NUCKS1: variants seen among roughly 807,000 people sequenced by gnomAD.
NUCKS1 encodes the protein nuclear casein kinase and cyclin dependent kinase substrate 1.
Under a neutral mutation model 33.0 loss-of-function variants are expected in NUCKS1, and 2 were observed. That is an observed-to-expected ratio of 0.06 (90% CI 0.02 to 0.19). NUCKS1 has a LOEUF of 0.19. NUCKS1 is among the 10% of genes least tolerant of loss of function. NUCKS1 has a pLI of 1.00. For missense variants in NUCKS1, 201 were observed against 293.6 expected, an observed-to-expected ratio of 0.68 and a Z score of 2.31; for synonymous variants, 106 against 102.8, an observed-to-expected ratio of 1.03 and a Z score of -0.19.
chr1:205,745,626 G>A (rs1372449722), intron 1 of NUCKS1, among the ~76,000 whole-genome samples: 1 of 152,102 alleles, frequency 6.6e-6, no homozygotes, highest in Non-Finnish European at 1.5e-5. Flanking sequence ...CACCATTGAG[G>A]AGATATTAAA....
intron 1 of NUCKS1, among the ~76,000 whole-genome samples, chr1:205,748,222 A>C (rs74772666): frequency 0.011 from 1,646 of 152,312 alleles, 20 homozygotes; most frequent in Middle Eastern, 0.024. Context: ...CCAATACCTA[A>C]ATCTGGGAAA....
intron 1 of NUCKS1, 115 bp downstream of exon 1, chr1:205,749,842 A>C: frequency 5.3e-6 from 6 of 1,126,398 alleles, no homozygotes; most frequent in Non-Finnish European, 6.4e-6. Context: ...CCCGAAAGGG[A>C]GGAGGCCGCG....
chr1:205,735,020 C>A lies in NUCKS1; in HGVS notation c.18-5399G>T, dbSNP rs1654003075. On this transcript the variant is annotated intron_variant, in intron 1 of 6. Coordinates refer to ENST00000367142, the MANE Select transcript of NUCKS1 (RefSeq NM_022731.5). ...GCTTGCTTTGTCTGGGGTTGAAATA[C>A]ATTTTTGATGAATTTGTTCCTAATG... Among the ~76,000 whole-genome samples the A allele has an allele frequency of 2.0e-5, 3 of 152,254 alleles. No individual in the cohort carries two copies. In the South Asian group the frequency reaches 6.2e-4, roughly 32 times the overall value.
rs945391480 is a variant in NUCKS1, at chr1:205,713,618, A to G, written c.*4662T>C. 3 of 152,330 alleles carry G rather than the reference A, an allele frequency of 2.0e-5. No homozygotes were observed. The highest frequency in any genetic ancestry group is 1.3e-4 in the Admixed American group (2 of 15,300). 9.4% of individuals were successfully genotyped at this position (152,330 alleles called of 1,614,324 possible). A position where few individuals can be genotyped will look rare whatever the true frequency, so the allele number is the denominator to read the frequency against. ...ATCATGTTCACTTCAACCCCATTTC[A>G]TTTAAATTAAAGAAAAAAACCTTTT... On this transcript the variant is annotated 3_prime_UTR_variant, in exon 7 of 7. Coordinates refer to ENST00000367142, the MANE Select transcript of NUCKS1 (RefSeq NM_022731.5).
intron 1 of NUCKS1, among the ~76,000 whole-genome samples, chr1:205,730,046 AAAG>A (rs1350159410): frequency 1.3e-5 from 2 of 152,036 alleles, no homozygotes; most frequent in Non-Finnish European, 2.9e-5. Context: ...AAAGAAAAAA[AAAG>A]AAAATTATTT....
In NUCKS1 at chr1:205,718,314, C is replaced by A; in HGVS notation, c.698G>T (p.Gly233Val). The change falls in exon 7 of 7, where the codon GGG (glycine) becomes GTG (valine). Residue 233 changes from glycine to valine, a missense_variant. Gly to Val is a moderately radical substitution (Grantham distance 109, BLOSUM62 -3). Coordinates refer to ENST00000367142, the MANE Select transcript of NUCKS1 (RefSeq NM_022731.5). ...CCCAGAAGGGGCTTCATCTTCAGAC[C>A]CTTCATCCCCAGATTTCTCGGGTGG... The part of the protein sequence containing the change: ...SPPPEKSGDE[G>V]SEDEAPSGED The A allele has an allele frequency of 6.2e-7, 1 of 1,612,960 alleles. No homozygotes were observed. Among genetic ancestry groups the A allele is most frequent in the Admixed American group, 1.7e-5 (1 of 59,890 alleles).
intron 1 of NUCKS1, among the ~76,000 whole-genome samples, chr1:205,742,811 C>T (rs1453181019): frequency 1.3e-5 from 2 of 151,784 alleles, no homozygotes; most frequent in Non-Finnish European, 2.9e-5. Flanking sequence ...GAGGACAGAG[C>T]GAGACTCGGT....
At chr1:205,730,579 C>T (rs933505813) in intron 1 of NUCKS1, among the ~76,000 whole-genome samples, 2 of 151,962 alleles carry the variant, frequency 1.3e-5, no homozygotes, top group Non-Finnish European at 2.9e-5. Flanking sequence ...ACCTCTGCCT[C>T]CCAAGTTCAA....
intron 1 of NUCKS1, among the ~76,000 whole-genome samples, chr1:205,744,652 G>A (rs1156983548): frequency 2.0e-3 from 2 of 1,012 alleles, no homozygotes; most frequent in Non-Finnish European, 7.7e-3. Context: ...TTTTTTTTGA[G>A]ACGGAGTTTC....
At chr1:205,739,955 T>C (rs1214134849) in intron 1 of NUCKS1, among the ~76,000 whole-genome samples, 1 of 151,900 alleles carries the variant, frequency 6.6e-6, no homozygotes, top group Non-Finnish European at 1.5e-5. Context: ...CTAAAATACA[T>C]TGTTTTCACT....
rs1671865843 is a variant in NUCKS1 at position 205,718,379 on chromosome 1, T to C, written c.633A>G (p.Glu211=). ...KTPSPKEEDE[E]PESPPEKKTS... ...TTTTCTTTTCTGGCGGGCTTTCCGGTTCCTCATCTTCTTCTTTGGGAGAAG... is the reference window on the plus strand; with the variant it reads ...TTTTCTTTTCTGGCGGGCTTTCCGGCTCCTCATCTTCTTCTTTGGGAGAAG... The change falls in exon 7 of 7, where the codon GAA becomes GAG. Residue 211 remains glutamate (E), a synonymous_variant. Coordinates refer to ENST00000367142, the MANE Select transcript of NUCKS1 (RefSeq NM_022731.5). 6.2e-7 allele frequency: 1 copy of C among 1,613,736 alleles called. No homozygotes were observed. The highest frequency in any genetic ancestry group is 8.5e-7 in the Non-Finnish European group (1 of 1,179,992).
chr1:205,723,810 C>T (rs561095746), intron 4 of NUCKS1, 116 bp downstream of exon 4: 5 of 693,536 alleles, frequency 7.2e-6, no homozygotes, highest in Non-Finnish European at 1.2e-5. Context: ...AAGATGGAAA[C>T]GTCTTTGTAA....
At chr1:205,745,802 TAAAGAA>T (rs1261007244) in intron 1 of NUCKS1, among the ~76,000 whole-genome samples, 1 of 152,160 alleles carries the variant, frequency 6.6e-6, no homozygotes, top group African/African-American at 2.4e-5. Context: ...TACATGGTGA[TAAAGAA>T]AAATACTTGT....
intron 1 of NUCKS1, 100 bp from the exon 2 acceptor site, chr1:205,729,721 A>G (rs1653862070): frequency 1.1e-6 from 1 of 922,650 alleles, no homozygotes; most frequent in African/African-American, 1.7e-5. Flanking sequence ...CTGAACTAGC[A>G]CTTTGAAAAT....
intron 1 of NUCKS1, among the ~76,000 whole-genome samples, chr1:205,731,895 CAA>C (rs34020544): frequency 2.3e-4 from 26 of 111,856 alleles, no homozygotes; most frequent in South Asian, 1.8e-3. Flanking sequence ...GACTCCGTCT[CAA>C]AAAAAAAAAA....
At chr1:205,749,483 G>A (rs1654422947) in intron 1 of NUCKS1, among the ~76,000 whole-genome samples, 1 of 152,088 alleles carries the variant, frequency 6.6e-6, no homozygotes, top group Non-Finnish European at 1.5e-5. Context: ...AGGGCTCAGG[G>A]CCCCCACCCC....
intron 3 of NUCKS1, 168 bp from the exon 4 acceptor site, chr1:205,724,149 G>A: frequency 1.5e-6 from 1 of 657,742 alleles, no homozygotes; most frequent in Non-Finnish European, 2.8e-6. Context: ...AGGGATGCTG[G>A]TGAATAAGCA....
At chr1:205,749,894 C>T in intron 1 of NUCKS1, 63 bp downstream of exon 1, 1 of 1,547,162 alleles carries the variant, frequency 6.5e-7, no homozygotes, top group South Asian at 1.1e-5. Flanking sequence ...CTGTCCCCCA[C>T]TCTTTTCACC....
At chr1:205,725,519 T>A (rs1210320263) in intron 3 of NUCKS1, among the ~76,000 whole-genome samples, 2 of 152,236 alleles carry the variant, frequency 1.3e-5, no homozygotes, top group Non-Finnish European at 1.5e-5. Context: ...AAATGTTTTT[T>A]ATGCAAAATA....
Sources: allele counts gnomAD v4.1 joint callset (sites outside exome capture counted in the v4.1 genomes callset), GRCh38; gene constraint gnomAD v4.1.1; transcripts MANE v1.5; gene names NCBI Gene and HGNC (gene_info 2026-07-23, HGNC 2026-07-21).